The following KLHL1 variants were observed in gnomAD, a reference collection of about 807,000 sequenced individuals.
The protein encoded by KLHL1 is kelch like family member 1.
A neutral mutation model predicts 77.7 loss-of-function variants in KLHL1; 47 were observed. That is an observed-to-expected ratio of 0.60 (90% confidence interval 0.48 to 0.77). The LOEUF (loss-of-function observed/expected upper bound fraction) is 0.77. KLHL1 is among the 30% of genes least tolerant of loss of function. The probability of loss-of-function intolerance (pLI) is 0.00; values close to 1 mark genes in which losing one functional copy is unlikely to be tolerated. For synonymous variants in KLHL1, 360 were observed against 325.2 expected (o/e 1.11, Z -1.15); for missense variants, 925 against 910.8 (o/e 1.02, Z -0.20).
At chr13:69,955,375 C>A (rs1318342736) in intron 3 of KLHL1, among the ~76,000 whole-genome samples, 2 of 151,350 alleles carry the variant, frequency 1.3e-5, no homozygotes, top group Non-Finnish European at 3.0e-5. Flanking sequence ...CAGTGGCACA[C>A]AAACTTTTTC....
At chr13:69,874,202 T>C (rs1159160316) in intron 5 of KLHL1, among the ~76,000 whole-genome samples, 1 of 152,128 alleles carries the variant, frequency 6.6e-6, no homozygotes, top group African/African-American at 2.4e-5. Flanking sequence ...TCACAGTGTG[T>C]GCCTGCCACT....
rs191348381 is a variant in KLHL1 at position 69,738,352 on chromosome 13, T to A, written c.1802+2042A>T. Among the ~76,000 whole-genome samples the A allele has an allele frequency of 1.6e-3, 250 of 152,144 alleles. 2 individuals carry two copies. Among genetic ancestry groups the A allele is most frequent in the Admixed American group, 2.6e-3 (40 of 15,272 alleles). On this transcript the variant is annotated intron_variant, in intron 8 of 10. Transcript: ENST00000377844. ...AGAGTGCTTCTTCTTCTCCAAATGA[T>A]AGCAACATGTCTCCAGCAAGTGCAC... is the stretch of plus-strand genomic sequence containing the variant.
intron 4 of KLHL1, among the ~76,000 whole-genome samples, chr13:69,921,921 A>ATTTTTT (rs1197300551): frequency 8.2e-6 from 1 of 122,642 alleles, no homozygotes; most frequent in African/African-American, 3.1e-5. Context: ...TGAATGATTG[A>ATTTTTT]TTTTTTTTTT....
At chr13:69,884,078 T>C (rs1236916888) in intron 4 of KLHL1, among the ~76,000 whole-genome samples, 1 of 152,218 alleles carries the variant, frequency 6.6e-6, no homozygotes, top group African/African-American at 2.4e-5. Flanking sequence ...CATTAATCTG[T>C]ATGTTAGAGC....
intron 7 of KLHL1, among the ~76,000 whole-genome samples, chr13:69,773,330 T>C (rs1299581061): frequency 6.6e-6 from 1 of 152,076 alleles, no homozygotes; most frequent in Non-Finnish European, 1.5e-5. Context: ...AATTGATGAA[T>C]AGTCAGAAAG....
intron 7 of KLHL1, among the ~76,000 whole-genome samples, chr13:69,744,986 G>A (rs147221614): frequency 1.8e-3 from 277 of 151,720 alleles, no homozygotes; most frequent in African/African-American, 6.2e-3. Context: ...AAAATTTCTG[G>A]GTCATAGAAT....
Position 69,746,710 on chromosome 13 carries a change from C to A in KLHL1, c.1640-6154G>T, listed in dbSNP as rs188194922. Among the ~76,000 whole-genome samples, 319 of 151,678 alleles carry A rather than the reference C, an allele frequency of 2.1e-3. 5 individuals carry two copies. The South Asian group carries it at 0.028, about 13-fold the overall frequency. On this transcript the variant is annotated intron_variant, in intron 7 of 10. Transcript: ENST00000377844. ...GTGTGTCACCTTATTGTTGAGAGAACGCAAATGATTGAGTTTGTCAAACAG... is the reference window on the plus strand; with the variant it reads ...GTGTGTCACCTTATTGTTGAGAGAAAGCAAATGATTGAGTTTGTCAAACAG...
chr13:70,074,603 A>T (rs1566553518), intron 1 of KLHL1, among the ~76,000 whole-genome samples: 1 of 152,080 alleles, frequency 6.6e-6, no homozygotes, highest in Non-Finnish European at 1.5e-5. Flanking sequence ...TTAAACAATG[A>T]TAAACATGTT....
rs1316419401 is a variant in KLHL1, at chr13:70,060,143, C to T, written c.497+47060G>A. On this transcript the variant is annotated intron_variant, in intron 1 of 10. Transcript: ENST00000377844. ...TAGACATTTTACAGAAGAAGATATA[C>T]AAATGGAAACAGGTGTATGAAAAGG... Among the ~76,000 whole-genome samples, 5 of 152,038 alleles carry T rather than the reference C, an allele frequency of 3.3e-5. No homozygotes were observed. In the East Asian group the frequency reaches 9.6e-4, roughly 29 times the overall value.
chr13:69,764,723 A>G (rs9783531), intron 7 of KLHL1, among the ~76,000 whole-genome samples: 3,507 of 152,114 alleles, frequency 0.023, 132 homozygotes, highest in African/African-American at 0.081. Flanking sequence ...GAAATGCAGA[A>G]TACCTCTCAA....
At chr13:69,979,524 T>C (rs1884648215) in intron 1 of KLHL1, among the ~76,000 whole-genome samples, 2 of 152,288 alleles carry the variant, frequency 1.3e-5, no homozygotes, top group South Asian at 4.1e-4. Context: ...TTTAACATTT[T>C]AGCAAATTTA....
At chr13:69,994,819 TA>T (rs1885110501) in intron 1 of KLHL1, among the ~76,000 whole-genome samples, 1 of 152,080 alleles carries the variant, frequency 6.6e-6, no homozygotes, top group African/African-American at 2.4e-5. Context: ...AAAATTTTTT[TA>T]AAAAATACTA....
At chr13:69,940,287 T>C in intron 3 of KLHL1, 51 bp from the exon 4 acceptor site, 2 of 1,389,566 alleles carry the variant, frequency 1.4e-6, no homozygotes, top group Non-Finnish European at 2.0e-6. Context: ...CATGAAATAA[T>C]ATGTATCATA....
intron 1 of KLHL1, among the ~76,000 whole-genome samples, chr13:70,002,933 AG>A (rs200157530): frequency 0.018 from 2,696 of 151,756 alleles, 75 homozygotes; most frequent in African/African-American, 0.061. Flanking sequence ...TATTTTTATT[AG>A]GGAAAATAAG....
rs116990649 is a variant in KLHL1, at chr13:69,763,567, C to T, written c.1640-23011G>A. The stretch of plus-strand genomic sequence containing the variant: ...TCAAATAAATGTGTGATCACGAGGA[C>T]ACTTTAACCTATGAATGATGTGCTG... On this transcript the variant is annotated intron_variant, in intron 7 of 10. Transcript: ENST00000377844. Among the ~76,000 whole-genome samples, 113 of 152,310 alleles carry T rather than the reference C, an allele frequency of 7.4e-4. 1 individual carries two copies. Among genetic ancestry groups the T allele is most frequent in the Non-Finnish European group, 1.4e-3 (95 of 68,032 alleles).
chr13:69,811,866 T>C lies in KLHL1; in HGVS notation c.1415-14904A>G, dbSNP rs575474633. Reference sequence around the variant, plus strand: ...TTCAAAAAACCAGCTCCTGGATTCATTGATTTTTTGAAGGGTTTTTTGTGT... The same window carrying C: ...TTCAAAAAACCAGCTCCTGGATTCACTGATTTTTTGAAGGGTTTTTTGTGT... On this transcript the variant is annotated intron_variant, in intron 6 of 10. Coordinates refer to ENST00000377844, the MANE Select transcript of KLHL1 (RefSeq NM_020866.3). 1.3e-3 allele frequency among the ~76,000 whole-genome samples: 193 copies of C among 152,312 alleles called. 1 individual carries two copies. The highest frequency in any genetic ancestry group is 6.8e-3 in the Middle Eastern group (2 of 294).
At chr13:69,980,609 ACTC>A (rs1291980338) in intron 1 of KLHL1, among the ~76,000 whole-genome samples, 1 of 151,804 alleles carries the variant, frequency 6.6e-6, no homozygotes, top group African/African-American at 2.4e-5. Context: ...ATGGCTGACT[ACTC>A]CTTCAGAATA....
chr13:70,087,392 A>G lies in KLHL1; in HGVS notation c.497+19811T>C, dbSNP rs1887568999. On this transcript the variant is annotated intron_variant, in intron 1 of 10. Transcript: ENST00000377844. ...GCAGGCTGAGGCATGCAAAGAATCT[A>G]ACAGTCAACCAAGAGTAGTAAAAAC... Among the ~76,000 whole-genome samples, 6 of 152,184 alleles carry G rather than the reference A, an allele frequency of 3.9e-5. No individual in the cohort carries two copies. In the South Asian group the frequency reaches 1.2e-3, roughly 32 times the overall value.
At chr13:70,094,429 A>T (rs995507184) in intron 1 of KLHL1, among the ~76,000 whole-genome samples, 3 of 150,462 alleles carry the variant, frequency 2.0e-5, no homozygotes, top group African/African-American at 7.4e-5. Context: ...TGGCTCAATC[A>T]TTGATGACTG....
Sources: allele counts gnomAD v4.1 joint callset (sites outside exome capture counted in the v4.1 genomes callset), GRCh38; gene constraint gnomAD v4.1.1; transcripts MANE v1.5; gene names NCBI Gene and HGNC (gene_info 2026-07-23, HGNC 2026-07-21).